Variants in LTBP1 observed in about 807,000 individuals in gnomAD.
LTBP1 encodes the protein latent transforming growth factor beta binding protein 1.
LTBP1 carries 129 observed loss-of-function variants against 207.6 expected under a neutral mutation model. The observed-to-expected ratio is 0.62, with a 90% CI of 0.54 to 0.72. The LOEUF (loss-of-function observed/expected upper bound fraction) is 0.72, where lower values mean the gene tolerates loss of function less well. Ranked by LOEUF, LTBP1 falls within the 30% of genes least tolerant of loss-of-function variation. LTBP1 has a pLI of 0.00. For synonymous variants in LTBP1, 963 were observed against 833.7 expected, an observed-to-expected ratio of 1.16 and a Z score of -2.67; for missense variants, 2,281 against 2,217.2, an observed-to-expected ratio of 1.03 and a Z score of -0.58.
chr2:33,131,969 T>G (rs1310020779), intron 4 of LTBP1, among the ~76,000 whole-genome samples: 1 of 152,206 alleles, frequency 6.6e-6, no homozygotes, highest in Non-Finnish European at 1.5e-5. Context: ...CTTGCTTTCT[T>G]TGGATGTCTC....
intron 24 of LTBP1, among the ~76,000 whole-genome samples, chr2:33,334,658 A>G (rs1052567359): frequency 6.6e-6 from 1 of 152,142 alleles, no homozygotes. Context: ...CCAACAGGAT[A>G]TCTTTAACTG....
chr2:33,251,871 G>A (rs191464309), intron 10 of LTBP1, among the ~76,000 whole-genome samples: 1 of 152,162 alleles, frequency 6.6e-6, no homozygotes, highest in African/African-American at 2.4e-5. Context: ...ATTTGCATTA[G>A]AAGATGAACT....
rs1553516651 is a variant in LTBP1, at chr2:33,360,686, G to A, written c.4090G>A (p.Ala1364Thr). ...NDASLCDNVLAPNVTKQECCC... is the reference protein window; with the variant it reads ...NDASLCDNVLTPNVTKQECCC... ...CGCCAGTCTCTGTGATAATGTGTTGGCCCCCAATGTCACGAAACAAGAATG... is the reference window on the plus strand; with the variant it reads ...CGCCAGTCTCTGTGATAATGTGTTGACCCCCAATGTCACGAAACAAGAATG... Residue 1364 changes from alanine (A) to threonine (T), a missense_variant, in exon 27 of 34, where the codon GCC (alanine) becomes ACC (threonine). Ala to Thr is a moderately conservative substitution (Grantham distance 58). Around this residue, in one of 3 missense-constraint regions of LTBP1, gnomAD observed 1,671 missense variants for 1,634.8 expected, o/e 1.02. Coordinates refer to ENST00000404816, the MANE Select transcript of LTBP1 (RefSeq NM_206943.4). 6.2e-7 allele frequency: 1 copy of A among 1,613,326 alleles called. No individual in the cohort carries two copies. The highest frequency in any genetic ancestry group is 1.1e-5 in the South Asian group (1 of 91,044).
chr2:32,986,511 C>T (rs956484367), intron 2 of LTBP1, among the ~76,000 whole-genome samples: 3 of 152,202 alleles, frequency 2.0e-5, no homozygotes. Context: ...ATACCGTGAC[C>T]TGAACCGGCT....
chr2:33,156,585 T>C (rs1434706982), intron 5 of LTBP1, among the ~76,000 whole-genome samples: 3 of 152,204 alleles, frequency 2.0e-5, no homozygotes, highest in Admixed American at 2.0e-4. Context: ...GGCTTTGTGA[T>C]CTGCAGAATA....
At chr2:33,311,111 G>C (rs1252524531) in intron 23 of LTBP1, among the ~76,000 whole-genome samples, 2 of 151,710 alleles carry the variant, frequency 1.3e-5, no homozygotes, top group Non-Finnish European at 1.5e-5. Flanking sequence ...GGAGAAGATG[G>C]TATCTACTCT....
intron 3 of LTBP1, among the ~76,000 whole-genome samples, chr2:33,073,006 T>C (rs567058908): frequency 6.6e-6 from 1 of 152,364 alleles, no homozygotes; most frequent in East Asian, 1.9e-4. Flanking sequence ...TAGTCAGTAG[T>C]GTTGCCCTCC....
At chr2:33,132,382 A>G (rs2081866893) in intron 4 of LTBP1, among the ~76,000 whole-genome samples, 1 of 152,192 alleles carries the variant, frequency 6.6e-6, no homozygotes, top group African/African-American at 2.4e-5. Context: ...GTAAGCATTT[A>G]AAGGAGGGGT....
chr2:33,343,028 C>G, intron 25 of LTBP1, 65 bp downstream of exon 25: 1 of 1,530,058 alleles, frequency 6.5e-7, no homozygotes, highest in Non-Finnish European at 8.8e-7. Flanking sequence ...TCACAGTGAA[C>G]AACAGGAGCT....
chr2:32,952,270 A>T (rs989690307), intron 2 of LTBP1, among the ~76,000 whole-genome samples: 2 of 152,246 alleles, frequency 1.3e-5, no homozygotes, highest in Admixed American at 6.5e-5. Flanking sequence ...AGATGTGAAC[A>T]AGCAAGCGGC....
intron 24 of LTBP1, among the ~76,000 whole-genome samples, chr2:33,338,353 A>G (rs1278069029): frequency 6.6e-6 from 1 of 152,184 alleles, no homozygotes; most frequent in Non-Finnish European, 1.5e-5. Flanking sequence ...ACGAGAAATC[A>G]TCATCTGCTA....
rs377210123 is a variant in LTBP1, at chr2:33,280,144, A to G, written c.3098A>G (p.Asn1033Ser). ...VPCTEGFRGW[N>S]GQCLDVDECL... The stretch of plus-strand genomic sequence containing the variant: ...TGCACAGAAGGATTCCGAGGCTGGA[A>G]TGGACAGTGCCTTGGTAGGTACTAT... Residue 1033 changes from asparagine to serine, a missense_variant, in exon 19 of 34, where the codon AAT becomes AGT. Coordinates refer to ENST00000404816, the MANE Select transcript of LTBP1 (RefSeq NM_206943.4). The G allele has an allele frequency of 4.3e-6, 7 of 1,614,108 alleles. No individual in the cohort carries two copies. In the African/African-American group the frequency reaches 6.7e-5, roughly 15 times the overall value.
chr2:33,270,261 A>G (rs1167432099), intron 15 of LTBP1, among the ~76,000 whole-genome samples: 1 of 151,762 alleles, frequency 6.6e-6, no homozygotes, highest in Non-Finnish European at 1.5e-5. Context: ...TAGAAAGCAG[A>G]CAGGGGTGTT....
At chr2:33,201,878 G>A (rs2089325424) in intron 7 of LTBP1, among the ~76,000 whole-genome samples, 1 of 152,166 alleles carries the variant, frequency 6.6e-6, no homozygotes, top group African/African-American at 2.4e-5. Context: ...TGTTAGAGAT[G>A]CCAGAAGTTG....
At chr2:33,027,723 G>A (rs1412312257) in intron 3 of LTBP1, among the ~76,000 whole-genome samples, 2 of 152,146 alleles carry the variant, frequency 1.3e-5, no homozygotes, top group African/African-American at 2.4e-5. Flanking sequence ...TGTAGTCCCA[G>A]CTACTCAGGA....
At chr2:33,260,366 G>GT (rs1167671042) in intron 13 of LTBP1, among the ~76,000 whole-genome samples, 1 of 152,136 alleles carries the variant, frequency 6.6e-6, no homozygotes, top group Non-Finnish European at 1.5e-5. Context: ...CTCAATGCAT[G>GT]TAACAGGCTT....
chr2:33,025,887 A>T (rs990733137), intron 3 of LTBP1, among the ~76,000 whole-genome samples: 1 of 152,204 alleles, frequency 6.6e-6, no homozygotes, highest in African/African-American at 2.4e-5. Flanking sequence ...AGTAATAAAA[A>T]GATGAAGTTT....
chr2:32,959,621 A>ATTTTTT (rs397972038), intron 2 of LTBP1, among the ~76,000 whole-genome samples: 4 of 36,654 alleles, frequency 1.1e-4, no homozygotes, highest in African/African-American at 1.9e-4. Context: ...ATATATATAT[A>ATTTTTT]TTTTTTTTTT....
Position 33,067,272 on chromosome 2 carries a change from T to C in LTBP1, c.864-43310T>C, listed in dbSNP as rs539486690. The stretch of plus-strand genomic sequence containing the variant: ...TTAGCTTTAGCTGCAGAGTTGATAA[T>C]GAATTCAACATAAAACTATAAGGCA... On this transcript the variant is annotated intron_variant, in intron 3 of 33. Coordinates refer to ENST00000404816, the MANE Select transcript of LTBP1 (RefSeq NM_206943.4). 3.9e-5 allele frequency among the ~76,000 whole-genome samples: 6 copies of C among 152,356 alleles called. No homozygotes were observed. The East Asian group carries it at 1.2e-3, about 29-fold the overall frequency.
Sources: allele counts gnomAD v4.1 joint callset (sites outside exome capture counted in the v4.1 genomes callset), GRCh38; gene constraint gnomAD v4.1.1; regional missense constraint gnomAD v4.1.1; transcripts MANE v1.5; gene names NCBI Gene and HGNC (gene_info 2026-07-23, HGNC 2026-07-21).